The following TRIP12 variants were observed in gnomAD, a reference collection of about 807,000 sequenced individuals.
TRIP12 encodes thyroid hormone receptor interactor 12.
A neutral mutation model predicts 244.2 loss-of-function variants in TRIP12; 25 were observed. The observed-to-expected ratio is 0.10, with a 90% CI of 0.07 to 0.14. The LOEUF is 0.14. Ranked by LOEUF, TRIP12 falls within the 10% of genes least tolerant of loss-of-function variation. TRIP12 has a pLI of 1.00. For missense variants in TRIP12, 1,677 were observed against 2,486.4 expected, an observed-to-expected ratio of 0.67 and a Z score of 6.92; for synonymous variants, 905 against 873.1, an observed-to-expected ratio of 1.04 and a Z score of -0.64.
intron 4 of TRIP12, among the ~76,000 whole-genome samples, chr2:229,846,035 G>T (rs979456838): frequency 1.7e-3 from 253 of 149,568 alleles, no homozygotes; most frequent in African/African-American, 5.8e-3. Flanking sequence ...AAAAAAAGGT[G>T]GGGGGGGCAG....
At chr2:229,786,481 T>A (rs1482880746) in intron 33 of TRIP12, among the ~76,000 whole-genome samples, 1 of 140,338 alleles carries the variant, frequency 7.1e-6, no homozygotes, top group Non-Finnish European at 1.5e-5. Flanking sequence ...CACCGCAACC[T>A]CCAACTCCCT....
chr2:229,829,360 G>GTAACTGATTCATCTCGCT (rs1228437126), intron 7 of TRIP12, 72 bp from the exon 8 acceptor site: 9 of 1,221,382 alleles, frequency 7.4e-6, no homozygotes, highest in Non-Finnish European at 1.0e-5. Flanking sequence ...AAAATTTCAA[G>GTAACTGATTCATCTCGCT]TAACTGATTC....
At chr2:229,843,254 T>C (rs2056900170) in intron 4 of TRIP12, among the ~76,000 whole-genome samples, 1 of 152,162 alleles carries the variant, frequency 6.6e-6, no homozygotes, top group Non-Finnish European at 1.5e-5. Flanking sequence ...TAGGTATAAA[T>C]GTAGATGTAC....
At chr2:229,794,987 T>C in intron 26 of TRIP12, 192 bp downstream of exon 26, 1 of 516,806 alleles carries the variant, frequency 1.9e-6, no homozygotes, top group Non-Finnish European at 3.2e-6. Flanking sequence ...GCATCCTGTT[T>C]AAGGCATATG....
intron 6 of TRIP12, among the ~76,000 whole-genome samples, chr2:229,836,019 C>G (rs183599594): frequency 1.3e-5 from 2 of 152,082 alleles, no homozygotes; most frequent in Non-Finnish European, 2.9e-5. Context: ...CTAGAAAAAA[C>G]AAGAAGACAT....
intron 1 of TRIP12, among the ~76,000 whole-genome samples, chr2:229,904,391 C>T (rs1309617654): frequency 8.2e-6 from 1 of 122,232 alleles, no homozygotes; most frequent in Non-Finnish European, 1.6e-5. Context: ...GCACTCCAGC[C>T]TGGGAAAGAG....
In TRIP12 at chr2:229,889,668, A is replaced by G. The variant is rs1290812034; in HGVS notation, c.-49-9540T>C. On this transcript the variant is annotated intron_variant, in intron 1 of 41. Coordinates refer to ENST00000675903, the MANE Select transcript of TRIP12 (RefSeq NM_001348323.3). ...TCTCTAAAATCGGATTCAGTTCCAA[A>G]TTTTTTAAGACTCCAACCTAATGTT... Among the ~76,000 whole-genome samples, 9 of 152,260 alleles carry G rather than the reference A, an allele frequency of 5.9e-5. No individual in the cohort carries two copies. The East Asian group carries it at 1.5e-3, about 26-fold the overall frequency.
intron 5 of TRIP12, among the ~76,000 whole-genome samples, chr2:229,839,444 G>A (rs111820513): frequency 0.019 from 2,868 of 152,216 alleles, 88 homozygotes; most frequent in African/African-American, 0.066. Flanking sequence ...TTGGGAGGCC[G>A]AGGCAGGTGG....
intron 1 of TRIP12, among the ~76,000 whole-genome samples, chr2:229,892,877 A>G (rs2067726263): frequency 6.6e-6 from 1 of 152,098 alleles, no homozygotes; most frequent in Non-Finnish European, 1.5e-5. Context: ...AAAAAATAAA[A>G]ATAAAAAATA....
chr2:229,864,041 AGAGAGAGTGT>A (rs1258615514), intron 2 of TRIP12, among the ~76,000 whole-genome samples: 108 of 71,734 alleles, frequency 1.5e-3, no homozygotes, highest in South Asian at 6.9e-3. Context: ...AGAGAGAGAG[AGAGAGAGTGT>A]GTGTGTGTGT....
chr2:229,787,457 T>G, intron 33 of TRIP12, 48 bp downstream of exon 33: 3 of 1,568,114 alleles, frequency 1.9e-6, no homozygotes, highest in Non-Finnish European at 2.6e-6. Flanking sequence ...GTTTTTCCCA[T>G]TATTTTGAAA....
intron 17 of TRIP12, among the ~76,000 whole-genome samples, chr2:229,806,971 G>C (rs1286594890): frequency 6.6e-6 from 1 of 152,108 alleles, no homozygotes; most frequent in East Asian, 1.9e-4. Context: ...AAATAACACA[G>C]TGATCAACAC....
chr2:229,791,813 A>G (rs2041619541), intron 29 of TRIP12, 53 bp downstream of exon 29: 1 of 1,580,620 alleles, frequency 6.3e-7, no homozygotes, highest in African/African-American at 1.4e-5. Context: ...TCTAAAACAC[A>G]AGAACAGTTT....
At chr2:229,833,821 C>G (rs1050314402) in intron 6 of TRIP12, among the ~76,000 whole-genome samples, 2 of 150,438 alleles carry the variant, frequency 1.3e-5, no homozygotes, top group Non-Finnish European at 3.0e-5. Flanking sequence ...TTTGGTTTTA[C>G]CAAAACAAAA....
At chr2:229,784,921 G>C (rs907302629) in intron 34 of TRIP12, among the ~76,000 whole-genome samples, 2 of 152,148 alleles carry the variant, frequency 1.3e-5, no homozygotes, top group African/African-American at 2.4e-5. Context: ...ATTTAGTTCT[G>C]AGGCATTTAC....
chr2:229,807,376 C>G (rs2154275415), intron 17 of TRIP12: 1 of 314,592 alleles, frequency 3.2e-6, no homozygotes, highest in African/African-American at 2.1e-5. Context: ...GCTCATGGGA[C>G]ATTGCTTTCT....
At chr2:229,836,007 A>G (rs1005516829) in intron 6 of TRIP12, among the ~76,000 whole-genome samples, 2 of 152,226 alleles carry the variant, frequency 1.3e-5, no homozygotes, top group African/African-American at 4.8e-5. Context: ...AAAAATCCTA[A>G]GCTAGAAAAA....
At chr2:229,864,567 T>A (rs2061164609) in intron 2 of TRIP12, among the ~76,000 whole-genome samples, 1 of 138,408 alleles carries the variant, frequency 7.2e-6, no homozygotes, top group Admixed American at 7.2e-5. Context: ...GATTTTCAAC[T>A]TTTTTTTTTT....
intron 6 of TRIP12, among the ~76,000 whole-genome samples, chr2:229,835,058 A>C (rs973276978): frequency 1.3e-5 from 2 of 152,242 alleles, no homozygotes; most frequent in African/African-American, 4.8e-5. Context: ...CACATGCAGA[A>C]ACTAAAGCAC....
Sources: allele counts gnomAD v4.1 joint callset (sites outside exome capture counted in the v4.1 genomes callset), GRCh38; gene constraint gnomAD v4.1.1; transcripts MANE v1.5; gene names NCBI Gene and HGNC (gene_info 2026-07-23, HGNC 2026-07-21).